Variants in AP1S3 observed in about 807,000 individuals in gnomAD.
AP1S3 encodes adaptor related protein complex 1 subunit sigma 3.
A neutral mutation model predicts 20.9 loss-of-function variants in AP1S3; 10 were observed. The ratio of observed to expected loss-of-function variants is 0.48; its 90% CI spans 0.29 to 0.81. AP1S3 has a LOEUF of 0.81. Among genes scored for constraint, AP1S3 ranks in the 30% least tolerant of loss-of-function variants. The probability of loss-of-function intolerance (pLI) is 0.08; values close to 1 mark genes in which losing one functional copy is unlikely to be tolerated. For missense variants in AP1S3, 154 were observed against 183.8 expected, an observed-to-expected ratio of 0.84 and a Z score of 0.94; for synonymous variants, 41 against 61.5, an observed-to-expected ratio of 0.67 and a Z score of 1.56.
At chr2:223,770,204 C>T (rs1690582375) in intron 3 of AP1S3, 1 of 1,550,580 alleles carries the variant, frequency 6.4e-7, no homozygotes, top group African/African-American at 1.4e-5. Context: ...TACCAGAGGT[C>T]AGAAAAGGCA....
At chr2:223,784,423 T>C (rs540021951) in intron 1 of AP1S3, among the ~76,000 whole-genome samples, 3 of 151,926 alleles carry the variant, frequency 2.0e-5, no homozygotes, top group South Asian at 4.2e-4. Context: ...CCCAACACGA[T>C]GTATTTTCTT....
chr2:223,758,113 A>G lies in AP1S3; in HGVS notation c.*602T>C, dbSNP rs970572485. On this transcript the variant is annotated 3_prime_UTR_variant, in exon 5 of 5. Coordinates refer to ENST00000396654, the MANE Select transcript of AP1S3 (RefSeq NM_001039569.2). Reference sequence around the variant, plus strand: ...ATCAAAAACACTTATTAAGTTCTATACTCTTTGGTTATTTTCATAATCCCA... The same window carrying G: ...ATCAAAAACACTTATTAAGTTCTATGCTCTTTGGTTATTTTCATAATCCCA... The G allele has an allele frequency of 1.0e-6, 1 of 982,634 alleles. No homozygotes were observed. The highest frequency in any genetic ancestry group is 1.8e-5 in the African/African-American group (1 of 56,858). 60.9% of individuals were successfully genotyped at this position (982,634 alleles called of 1,614,324 possible). A position where few individuals can be genotyped will look rare whatever the true frequency, so the allele number is the denominator to read the frequency against.
intron 1 of AP1S3, among the ~76,000 whole-genome samples, chr2:223,832,807 CTTTTTTTTTT>C (rs66947467): frequency 2.3e-5 from 3 of 129,948 alleles, no homozygotes; most frequent in Admixed American, 8.0e-5. Context: ...TTTCTTTTTT[CTTTTTTTTTT>C]TTTTTTTTAG....
chr2:223,770,497 T>TACACACACAC (rs58486635), intron 3 of AP1S3, among the ~76,000 whole-genome samples: 3,418 of 141,650 alleles, frequency 0.024, 71 homozygotes, highest in South Asian at 0.04. Flanking sequence ...AGAGAGACAA[T>TACACACACAC]ACACACACAC....
rs991486507 is a variant in AP1S3 at position 223,765,909 on chromosome 2, G to T, written c.292-559C>A. Among the ~76,000 whole-genome samples, 6 of 152,148 alleles carry T rather than the reference G, an allele frequency of 3.9e-5. No individual in the cohort carries two copies. The East Asian group carries it at 1.2e-3, about 29-fold the overall frequency. On this transcript the variant is annotated intron_variant, in intron 3 of 4. Transcript: ENST00000396654. ...CTCAGGAGGTCTAGATGAGAACTGAGAATCTGCACTTTTAACAGGTTCCCA... is the reference window on the plus strand; with the variant it reads ...CTCAGGAGGTCTAGATGAGAACTGATAATCTGCACTTTTAACAGGTTCCCA...
At chr2:223,833,905 T>C (rs1194144807) in intron 1 of AP1S3, among the ~76,000 whole-genome samples, 3 of 151,588 alleles carry the variant, frequency 2.0e-5, no homozygotes, top group African/African-American at 7.3e-5. Context: ...TTTATTTATT[T>C]ATTTATTTAT....
rs58486635 is a variant in AP1S3 at position 223,770,497 on chromosome 2, T to TACACACACACACACACAC, written c.292-5165_292-5148dup. ...GTGGTATTCAGAGTTAGAGAGACAA[T>TACACACACACACACACAC]ACACACACACACACACACACACACA... is the stretch of plus-strand genomic sequence containing the variant. On this transcript the variant is annotated intron_variant, in intron 3 of 4. Transcript: ENST00000396654. 3.0e-3 allele frequency among the ~76,000 whole-genome samples: 424 copies of TACACACACACACACACAC among 141,724 alleles called. 1 individual carries two copies. Among genetic ancestry groups the TACACACACACACACACAC allele is most frequent in the Non-Finnish European group, 4.7e-3 (307 of 65,728 alleles). The allele number at this position is 141,724 out of a possible 152,430, so 93.0% of individuals were successfully genotyped here. A position where few individuals can be genotyped will look rare whatever the true frequency, so the allele number is the denominator to read the frequency against.
chr2:223,820,800 G>A (rs893972931), intron 1 of AP1S3, among the ~76,000 whole-genome samples: 1 of 151,986 alleles, frequency 6.6e-6, no homozygotes, highest in South Asian at 2.1e-4. Context: ...GATTGCTGAC[G>A]TTTTGGGAGT....
rs547462490 is a variant in AP1S3 at position 223,795,663 on chromosome 2, T to C, written c.4-17794A>G. 2.0e-5 allele frequency among the ~76,000 whole-genome samples: 3 copies of C among 152,310 alleles called. No individual in the cohort carries two copies. The East Asian group carries it at 5.8e-4, about 29-fold the overall frequency. On this transcript the variant is annotated intron_variant, in intron 1 of 4. Coordinates refer to ENST00000396654, the MANE Select transcript of AP1S3 (RefSeq NM_001039569.2). ...TGGGAAAACTTTGGTAATCAGTAGCTTGAGAGCTTGTATTTAAATCCCGGC... is the reference window on the plus strand; with the variant it reads ...TGGGAAAACTTTGGTAATCAGTAGCCTGAGAGCTTGTATTTAAATCCCGGC...
chr2:223,778,614 T>C (rs921399130), intron 1 of AP1S3, among the ~76,000 whole-genome samples: 12 of 151,578 alleles, frequency 7.9e-5, no homozygotes, highest in African/African-American at 2.4e-4. Context: ...AACATAATGA[T>C]AATATAGAAA....
At chr2:223,778,982 A>G (rs1224472724) in intron 1 of AP1S3, among the ~76,000 whole-genome samples, 1 of 152,198 alleles carries the variant, frequency 6.6e-6, no homozygotes, top group Admixed American at 6.5e-5. Context: ...TGCTGGCATA[A>G]GCCACAACAT....
At position 223,765,215 on chromosome 2, in the gene AP1S3, C is replaced by T; in HGVS notation, c.427G>A (p.Glu143Lys). 1 of 1,613,714 alleles carries T rather than the reference C, an allele frequency of 6.2e-7. No individual in the cohort carries two copies. The highest frequency in any genetic ancestry group is 8.5e-7 in the Non-Finnish European group (1 of 1,179,976). ...ATGGTTTGGGAAACCGTACTGACCTCCTGTAACATATCAGAGTCTTCAATG... is the reference window on the plus strand; with the variant it reads ...ATGGTTTGGGAAACCGTACTGACCTTCTGTAACATATCAGAGTCTTCAATG... ...KAIEDSDMLQ[E>K]TMEEYMNKPT... Residue 143 changes from glutamate to lysine, a missense_variant and splice_region_variant, in exon 4 of 5, where the codon GAG becomes AAG. Glu to Lys is a moderately conservative substitution (Grantham distance 56). Transcript: ENST00000396654.
intron 3 of AP1S3, 56 bp downstream of exon 3, chr2:223,775,845 A>G (rs1289512168): frequency 7.6e-7 from 1 of 1,324,110 alleles, no homozygotes; most frequent in Non-Finnish European, 1.1e-6. Flanking sequence ...ACAGAACTGA[A>G]GTAAGAGCTG....
In AP1S3 at chr2:223,825,828, C is replaced by A. The variant is rs1259819901; in HGVS notation, c.3+11620G>T. Among the ~76,000 whole-genome samples the A allele has an allele frequency of 2.0e-5, 3 of 152,208 alleles. No homozygotes were observed. The South Asian group carries it at 6.2e-4, about 32-fold the overall frequency. On this transcript the variant is annotated intron_variant, in intron 1 of 4. Transcript: ENST00000396654. ...GGTCAGGAGTTTGAGACCAGCCTGG[C>A]CAACATGGGGAAACCCCATCTCTAC...
intron 3 of AP1S3, among the ~76,000 whole-genome samples, chr2:223,767,997 G>A (rs896961794): frequency 1.7e-4 from 26 of 152,138 alleles, no homozygotes; most frequent in African/African-American, 6.3e-4. Flanking sequence ...TCAGGCCACT[G>A]CAATGACCTT....
chr2:223,824,307 A>G (rs1388126039), intron 1 of AP1S3, among the ~76,000 whole-genome samples: 1 of 151,990 alleles, frequency 6.6e-6, no homozygotes, highest in East Asian at 1.9e-4. Flanking sequence ...CCAGCTATAG[A>G]TGGTTTTTTA....
chr2:223,776,137 A>G, intron 2 of AP1S3, 128 bp from the exon 3 acceptor site: 1 of 731,090 alleles, frequency 1.4e-6, no homozygotes, highest in South Asian at 1.5e-5. Context: ...TGAAATCATT[A>G]TTCATCACCC....
intron 1 of AP1S3, among the ~76,000 whole-genome samples, chr2:223,809,592 C>T (rs1233249819): frequency 2.0e-5 from 3 of 151,696 alleles, no homozygotes; most frequent in South Asian, 2.1e-4. Flanking sequence ...TGCAGTGAGT[C>T]GAGATCGCGC....
At chr2:223,828,058 T>TAAAAAAAAAAA (rs527671959) in intron 1 of AP1S3, among the ~76,000 whole-genome samples, 10 of 94,680 alleles carry the variant, frequency 1.1e-4, no homozygotes, top group African/African-American at 2.4e-4. Flanking sequence ...AGACTTCATC[T>TAAAAAAAAAAA]AAAAAAAAAA....
Sources: gnomAD v4.1 joint callset for allele counts (sites outside exome capture counted in the v4.1 genomes callset) on GRCh38, gnomAD v4.1.1 for gene constraint, MANE v1.5 for transcripts, NCBI Gene and HGNC (gene_info 2026-07-23, HGNC 2026-07-21) for gene names.